Variants in BCAS3 observed in about 807,000 individuals in gnomAD.
The protein encoded by BCAS3 is BCAS4/BCAS3 fusion.
Under a neutral mutation model 116.1 loss-of-function variants are expected in BCAS3, and 53 were observed. That is an observed-to-expected ratio of 0.46 (90% CI 0.37 to 0.57). BCAS3 has a LOEUF of 0.57. BCAS3 is among the 20% of genes least tolerant of loss of function. BCAS3 has a pLI of 0.00. For missense variants in BCAS3, 917 were observed against 1,165.4 expected (o/e 0.79, Z 3.10); for synonymous variants, 391 against 408.2 (o/e 0.96, Z 0.51).
intron 14 of BCAS3, among the ~76,000 whole-genome samples, chr17:60,980,000 G>T (rs1198334802): frequency 6.6e-6 from 1 of 152,082 alleles, no homozygotes; most frequent in Non-Finnish European, 1.5e-5. Flanking sequence ...TCAGGATGAT[G>T]CTGGCCTCAT....
At chr17:60,902,474 T>TAGC (rs2057958651) in intron 10 of BCAS3, 146 bp from the exon 11 acceptor site, 1 of 658,320 alleles carries the variant, frequency 1.5e-6, no homozygotes, top group Admixed American at 2.6e-5. Flanking sequence ...GCAAAGCTTT[T>TAGC]AGCTGTTTGT....
At chr17:60,774,797 G>A (rs2045109070) in intron 6 of BCAS3, among the ~76,000 whole-genome samples, 1 of 152,214 alleles carries the variant, frequency 6.6e-6, no homozygotes, top group South Asian at 2.1e-4. Context: ...ATACTCAAAT[G>A]AATGAGTGGT....
At chr17:60,728,220 C>CT (rs2040108923) in intron 5 of BCAS3, among the ~76,000 whole-genome samples, 1 of 152,170 alleles carries the variant, frequency 6.6e-6, no homozygotes, top group Non-Finnish European at 1.5e-5. Flanking sequence ...CCTCTGTTCT[C>CT]TATCTATTCA....
At chr17:61,167,724 G>A (rs1296102339) in intron 22 of BCAS3, among the ~76,000 whole-genome samples, 1 of 152,170 alleles carries the variant, frequency 6.6e-6, no homozygotes, top group East Asian at 1.9e-4. Context: ...CCCAGACATT[G>A]GAGGAGAAAC....
intron 6 of BCAS3, among the ~76,000 whole-genome samples, chr17:60,786,065 C>A (rs2046261872): frequency 6.6e-6 from 1 of 152,168 alleles, no homozygotes; most frequent in Non-Finnish European, 1.5e-5. Context: ...ATTTTGGTAT[C>A]TGAGGGAGGT....
At chr17:61,182,159 C>G (rs1367745718) in intron 22 of BCAS3, among the ~76,000 whole-genome samples, 1 of 152,164 alleles carries the variant, frequency 6.6e-6, no homozygotes, top group Non-Finnish European at 1.5e-5. Flanking sequence ...TAGGCATGAG[C>G]CACCATATGT....
chr17:61,133,298 A>C (rs1317760676), intron 22 of BCAS3, among the ~76,000 whole-genome samples: 1 of 152,188 alleles, frequency 6.6e-6, no homozygotes, highest in South Asian at 2.1e-4. Context: ...TTTCACACAT[A>C]CTTTGTTTCT....
chr17:60,877,516 C>G (rs1277223102), intron 9 of BCAS3, among the ~76,000 whole-genome samples: 1 of 152,082 alleles, frequency 6.6e-6, no homozygotes, highest in East Asian at 1.9e-4. Flanking sequence ...TCTTTAATGT[C>G]TTTTTGGGAC....
rs566809777 is a variant in BCAS3, at chr17:61,348,662, G to A, written c.2426-19665G>A. On this transcript the variant is annotated intron_variant, in intron 22 of 23. Transcript: ENST00000407086. This position sits in a 1 kb window ranked among gnomAD's most constrained non-coding sequence, Gnocchi z 4.5. ...AAGTCAACTTGCTTTATAGAGTCTGGGTTGCCCACAAGGGACCACATCATT... is the reference window on the plus strand; with the variant it reads ...AAGTCAACTTGCTTTATAGAGTCTGAGTTGCCCACAAGGGACCACATCATT... Among the ~76,000 whole-genome samples, 2 of 152,150 alleles carry A rather than the reference G, an allele frequency of 1.3e-5. No homozygotes were observed. Among genetic ancestry groups the A allele is most frequent in the South Asian group, 4.2e-4 (2 of 4,814 alleles).
At chr17:60,805,705 G>C (rs1414179501) in intron 6 of BCAS3, among the ~76,000 whole-genome samples, 2 of 151,902 alleles carry the variant, frequency 1.3e-5, no homozygotes. Context: ...GCGGGCACCT[G>C]TAATCCCAGC....
intron 22 of BCAS3, among the ~76,000 whole-genome samples, chr17:61,292,644 C>T (rs955739337): frequency 6.6e-6 from 1 of 151,924 alleles, no homozygotes; most frequent in Non-Finnish European, 1.5e-5. Flanking sequence ...GAGCGAGGCT[C>T]CGTCTCAAAA....
intron 22 of BCAS3, among the ~76,000 whole-genome samples, chr17:61,099,986 T>G (rs2074221382): frequency 6.6e-6 from 1 of 152,232 alleles, no homozygotes; most frequent in Non-Finnish European, 1.5e-5. Context: ...TCTAGACAGC[T>G]ACAAGAAACA....
At chr17:61,047,444 T>C (rs879465447) in intron 19 of BCAS3, among the ~76,000 whole-genome samples, 8 of 152,054 alleles carry the variant, frequency 5.3e-5, no homozygotes, top group Non-Finnish European at 8.8e-5. Context: ...ATTTTTCTGT[T>C]TAACTCAGTA....
At chr17:60,704,108 A>G (rs2036803221) in intron 4 of BCAS3, among the ~76,000 whole-genome samples, 1 of 152,148 alleles carries the variant, frequency 6.6e-6, no homozygotes, top group African/African-American at 2.4e-5. Flanking sequence ...AAAAATGTCA[A>G]GATAAAAAGA....
rs148478206 is a variant in BCAS3 at position 60,956,425 on chromosome 17, A to T, written c.1221+9073A>T. Among the ~76,000 whole-genome samples, 946 of 152,224 alleles carry T rather than the reference A, an allele frequency of 6.2e-3. 5 individuals carry two copies. Among genetic ancestry groups the T allele is most frequent in the Middle Eastern group, 0.027 (8 of 294 alleles). ...CATTTTATTTCTTACCTCTTTTTCA[A>T]ATCCCATCCCATCTGTTCTAGTCAC... On this transcript the variant is annotated intron_variant, in intron 14 of 23. Coordinates refer to ENST00000407086, the MANE Select transcript of BCAS3 (RefSeq NM_017679.5). This position sits in a 1 kb window ranked among gnomAD's most constrained non-coding sequence, Gnocchi z 4.2.
intron 22 of BCAS3, among the ~76,000 whole-genome samples, chr17:61,319,901 T>TTA (rs2055060400): frequency 1.3e-5 from 2 of 150,536 alleles, no homozygotes; most frequent in African/African-American, 4.9e-5. Context: ...TTTTTATTTT[T>TTA]TTTTTTTGAG....
At chr17:60,754,680 TACACACACACACACACACACACAC>T (rs772900751) in intron 6 of BCAS3, among the ~76,000 whole-genome samples, 16,200 of 145,218 alleles carry the variant, frequency 0.11, 1,084 homozygotes, top group African/African-American at 0.19. Flanking sequence ...AAATTTAAAA[TACACACACACACACACACACACAC>T]ACACACACAC....
intron 6 of BCAS3, among the ~76,000 whole-genome samples, chr17:60,797,093 G>A (rs778912941): frequency 6.6e-6 from 1 of 151,440 alleles, no homozygotes; most frequent in Non-Finnish European, 1.5e-5. Context: ...ATGGGGTTTC[G>A]CCACCTTGGC....
chr17:60,726,200 G>T (rs1184562859), intron 5 of BCAS3, among the ~76,000 whole-genome samples: 1 of 148,412 alleles, frequency 6.7e-6, no homozygotes, highest in African/African-American at 2.5e-5. Context: ...CGGCCAGAGG[G>T]AGGATTTTTT....
Sources: allele counts gnomAD v4.1 joint callset (sites outside exome capture counted in the v4.1 genomes callset), GRCh38; gene constraint gnomAD v4.1.1; non-coding constraint Gnocchi (gnomAD v3.1); transcripts MANE v1.5; gene names NCBI Gene and HGNC (gene_info 2026-07-23, HGNC 2026-07-21).